MAML1: variants seen among roughly 807,000 people sequenced by gnomAD.
MAML1 encodes mastermind like transcriptional coactivator 1.
Under a neutral mutation model 77.1 loss-of-function variants are expected in MAML1, and 14 were observed. The ratio of observed to expected loss-of-function variants is 0.18; its 90% confidence interval spans 0.12 to 0.28. The LOEUF (loss-of-function observed/expected upper bound fraction) is 0.28. Among genes scored for constraint, MAML1 ranks in the 10% least tolerant of loss-of-function variants. The probability of loss-of-function intolerance (pLI) is 1.00; values close to 1 mark genes in which losing one functional copy is unlikely to be tolerated. For synonymous variants in MAML1, 516 were observed against 551.9 expected, an observed-to-expected ratio of 0.93 and a Z score of 0.91; for missense variants, 1,217 against 1,327.8, an observed-to-expected ratio of 0.92 and a Z score of 1.30.
intron 1 of MAML1, among the ~76,000 whole-genome samples, chr5:179,745,413 A>C (rs920876191): frequency 6.6e-6 from 1 of 151,908 alleles, no homozygotes; most frequent in Admixed American, 6.6e-5. Context: ...ACATAAATAA[A>C]CTATAAAGGA....
intron 1 of MAML1, among the ~76,000 whole-genome samples, chr5:179,748,335 G>A (rs182396018): frequency 7.9e-5 from 12 of 152,002 alleles, no homozygotes; most frequent in Non-Finnish European, 7.4e-5. Context: ...ACCCACCTCA[G>A]CCTCTCAAAG....
intron 1 of MAML1, among the ~76,000 whole-genome samples, chr5:179,758,719 C>T (rs1022266299): frequency 2.6e-5 from 4 of 151,116 alleles, no homozygotes; most frequent in Non-Finnish European, 4.4e-5. Flanking sequence ...AAATATTTTA[C>T]TGGCCCAGCG....
At chr5:179,749,378 G>T (rs536696190) in intron 1 of MAML1, among the ~76,000 whole-genome samples, 1 of 152,126 alleles carries the variant, frequency 6.6e-6, no homozygotes, top group African/African-American at 2.4e-5. Flanking sequence ...CGCTTGCCTC[G>T]GCCTCCCAAA....
chr5:179,757,616 C>G (rs191858624), intron 1 of MAML1, among the ~76,000 whole-genome samples: 113 of 152,200 alleles, frequency 7.4e-4, no homozygotes, highest in South Asian at 1.0e-3. Flanking sequence ...CAATGGAACT[C>G]TAGATCATCT....
Position 179,765,798 on chromosome 5 carries a change from C to T in MAML1, c.788C>T (p.Pro263Leu). Residue 263 changes from proline (P) to leucine (L), a missense_variant, in exon 2 of 5, where the codon CCC (proline) becomes CTC (leucine). Coordinates refer to ENST00000292599, the MANE Select transcript of MAML1 (RefSeq NM_014757.5). ...ATCGAGGAGCTGAACAGGTCGGTGC[C>T]CGATGAAGACATGAAGGACCTGTTT... ...ELIEELNRSVPDEDMKDLFNE... is the reference protein window; with the variant it reads ...ELIEELNRSVLDEDMKDLFNE... The T allele has an allele frequency of 6.2e-7, 1 of 1,614,114 alleles. No homozygotes were observed. Among genetic ancestry groups the T allele is most frequent in the Non-Finnish European group, 8.5e-7 (1 of 1,180,020 alleles).
At chr5:179,740,575 C>T (rs901950772) in intron 1 of MAML1, among the ~76,000 whole-genome samples, 84 of 152,150 alleles carry the variant, frequency 5.5e-4, no homozygotes, top group African/African-American at 1.9e-3. Flanking sequence ...TGTGCCCGGC[C>T]GATCTTTAAG....
intron 1 of MAML1, among the ~76,000 whole-genome samples, chr5:179,746,045 AC>A (rs931750429): frequency 1.3e-4 from 18 of 139,968 alleles, no homozygotes; most frequent in Non-Finnish European, 1.7e-4. Flanking sequence ...AAAAAAAAAA[AC>A]AAAACCAAAA....
At chr5:179,753,297 C>T (rs1334876321) in intron 1 of MAML1, among the ~76,000 whole-genome samples, 1 of 151,856 alleles carries the variant, frequency 6.6e-6, no homozygotes, top group Non-Finnish European at 1.5e-5. Flanking sequence ...TGGCAATCTG[C>T]CTTCTGATTT....
chr5:179,762,296 G>A (rs905286879), intron 1 of MAML1, among the ~76,000 whole-genome samples: 4 of 152,198 alleles, frequency 2.6e-5, no homozygotes, highest in African/African-American at 9.6e-5. Context: ...TCCAAAAGGT[G>A]TGGCCAGCTC....
intron 1 of MAML1, among the ~76,000 whole-genome samples, chr5:179,764,927 G>A (rs1009251240): frequency 1.3e-5 from 2 of 151,952 alleles, no homozygotes; most frequent in Non-Finnish European, 1.5e-5. Flanking sequence ...TTGTGCCACC[G>A]CACTCCACCC....
At chr5:179,744,995 G>A (rs781437425) in intron 1 of MAML1, among the ~76,000 whole-genome samples, 3 of 151,030 alleles carry the variant, frequency 2.0e-5, no homozygotes, top group Non-Finnish European at 2.9e-5. Context: ...TCTGCCTCCC[G>A]TGTTCACGCC....
chr5:179,773,563 C>G (rs893045887), intron 4 of MAML1, among the ~76,000 whole-genome samples: 1 of 152,274 alleles, frequency 6.6e-6, no homozygotes, highest in African/African-American at 2.4e-5. Flanking sequence ...CTCCCAGAGG[C>G]GGATCTTGCG....
chr5:179,740,427 C>T (rs1031656594), intron 1 of MAML1, among the ~76,000 whole-genome samples: 7 of 152,094 alleles, frequency 4.6e-5, no homozygotes, highest in Non-Finnish European at 8.8e-5. Flanking sequence ...CCCGCCACCA[C>T]ACCCGGCTAA....
At chr5:179,736,406 C>T (rs934226507) in intron 1 of MAML1, among the ~76,000 whole-genome samples, 1 of 152,052 alleles carries the variant, frequency 6.6e-6, no homozygotes, top group African/African-American at 2.4e-5. Flanking sequence ...GCTTGTGCCA[C>T]CACGCTCCCC....
intron 1 of MAML1, among the ~76,000 whole-genome samples, chr5:179,763,277 CT>C (rs1779755002): frequency 6.6e-6 from 1 of 152,194 alleles, no homozygotes; most frequent in Admixed American, 6.5e-5. Flanking sequence ...CAAATAATGG[CT>C]TTTTATAAAG....
chr5:179,734,974 C>G (rs1225301221), intron 1 of MAML1, among the ~76,000 whole-genome samples: 2 of 152,180 alleles, frequency 1.3e-5, no homozygotes, highest in Non-Finnish European at 2.9e-5. Flanking sequence ...CCGCACCGTG[C>G]CGCCCCCAGG....
intron 1 of MAML1, among the ~76,000 whole-genome samples, chr5:179,763,340 CAGA>C (rs1382710066): frequency 2.6e-5 from 4 of 152,134 alleles, no homozygotes; most frequent in African/African-American, 9.7e-5. Flanking sequence ...CAGGAGAAAG[CAGA>C]AGAACCTGCA....
intron 1 of MAML1, among the ~76,000 whole-genome samples, chr5:179,741,328 T>A (rs1398115310): frequency 1.3e-5 from 2 of 152,170 alleles, no homozygotes; most frequent in African/African-American, 2.4e-5. Context: ...AGTTCAGGGC[T>A]AAAGCCTGTG....
chr5:179,742,344 C>G (rs902708387), intron 1 of MAML1, among the ~76,000 whole-genome samples: 4 of 151,394 alleles, frequency 2.6e-5, no homozygotes, highest in African/African-American at 9.7e-5. Context: ...CAAAAATTAG[C>G]CGGACGTGGT....
Sources: gnomAD v4.1 joint callset for allele counts (sites outside exome capture counted in the v4.1 genomes callset) on GRCh38, gnomAD v4.1.1 for gene constraint, MANE v1.5 for transcripts, NCBI Gene and HGNC (gene_info 2026-07-23, HGNC 2026-07-21) for gene names.